Variants in GSTM2 observed in about 807,000 individuals in gnomAD.
GSTM2 encodes the protein glutathione S-transferase mu 2.
Under a neutral mutation model 33.3 loss-of-function variants are expected in GSTM2, and 33 were observed. The observed-to-expected ratio is 0.99, with a 90% CI of 0.75 to 1.33. GSTM2 has a LOEUF of 1.33. GSTM2 is among the 40% of genes most tolerant of loss of function. GSTM2 has a pLI of 0.00. For synonymous variants in GSTM2, 93 were observed against 95.6 expected (o/e 0.97, Z 0.16); for missense variants, 213 against 265.8 (o/e 0.80, Z 1.38).
Position 109,671,457 on chromosome 1 carries a change from C to A in GSTM2, c.457-16C>A, listed in dbSNP as rs1647541075. On this transcript the variant is annotated splice_polypyrimidine_tract_variant and intron_variant, in intron 6 of 7. Coordinates refer to ENST00000241337, the MANE Select transcript of GSTM2 (RefSeq NM_000848.4). ...ATTATGGAGGTTTCAGCCCACATAT[C>A]CTTGGCCTTATCCAGATCACCTTTG... is the stretch of plus-strand genomic sequence containing the variant. 6.3e-7 allele frequency: 1 copy of A among 1,588,222 alleles called. No individual in the cohort carries two copies. The highest frequency in any genetic ancestry group is 8.6e-7 in the Non-Finnish European group (1 of 1,156,332).
rs747443163 is a variant in GSTM2, at chr1:109,668,406, T to C, written c.37-19T>C. ...GGGACCCTCCATCTCTGACCCGAGCTGTGGGCCATCTCTCCCAGCTGGCCC... is the reference window on the plus strand; with the variant it reads ...GGGACCCTCCATCTCTGACCCGAGCCGTGGGCCATCTCTCCCAGCTGGCCC... On this transcript the variant is annotated intron_variant, in intron 1 of 7. Coordinates refer to ENST00000241337, the MANE Select transcript of GSTM2 (RefSeq NM_000848.4). 5 of 1,613,010 alleles carry C rather than the reference T, an allele frequency of 3.1e-6. No individual in the cohort carries two copies. Among genetic ancestry groups the C allele is most frequent in the South Asian group, 1.1e-5 (1 of 91,064 alleles).
In GSTM2 at chr1:109,668,988, A is replaced by G. The variant is rs371911407; in HGVS notation, c.176A>G (p.Asn59Ser). The G allele has an allele frequency of 1.3e-4, 214 of 1,611,874 alleles. No individual in the cohort carries two copies. The East Asian group carries it at 4.1e-3, about 31-fold the overall frequency. The change falls in exon 3 of 8, where the codon AAT (asparagine) becomes AGT (serine). Residue 59 changes from asparagine (N) to serine (S), a missense_variant and splice_region_variant. Transcript: ENST00000241337. The stretch of plus-strand genomic sequence containing the variant: ...TTCAAGCTGGGCCTGGACTTTCCCA[A>G]TGTAGGTGCAGGGGAAGGGGCGGTT... ...EKFKLGLDFP[N>S]LPYLIDGTHK...
chr1:109,673,027 G>A (rs1024517545), intron 7 of GSTM2, among the ~76,000 whole-genome samples: 2 of 151,964 alleles, frequency 1.3e-5, no homozygotes, highest in Non-Finnish European at 2.9e-5. Context: ...GTACCACCAC[G>A]TCCAGCTAAT....
rs762684019 is a variant in GSTM2, at chr1:109,671,522, T to A, written c.506T>A (p.Val169Glu). ...IAYDVLERNQVFEPSCLDAFP... is the reference protein window; with the variant it reads ...IAYDVLERNQEFEPSCLDAFP... ...TATGATGTCCTTGAGAGAAACCAAG[T>A]ATTTGAGCCCAGCTGCCTGGATGCC... The change falls in exon 7 of 8, where the codon GTA becomes GAA. Residue 169 changes from valine to glutamate, a missense_variant. By Grantham distance (121) the Val-to-Glu change is moderately radical. Coordinates refer to ENST00000241337, the MANE Select transcript of GSTM2 (RefSeq NM_000848.4). 5.6e-6 allele frequency: 9 copies of A among 1,613,768 alleles called. No homozygotes were observed. Among genetic ancestry groups the A allele is most frequent in the Non-Finnish European group, 6.8e-6 (8 of 1,179,666 alleles).
At chr1:109,672,806 T>C (rs1647594431) in intron 7 of GSTM2, among the ~76,000 whole-genome samples, 1 of 151,402 alleles carries the variant, frequency 6.6e-6, no homozygotes, top group African/African-American at 2.4e-5. Context: ...CATATGTGGG[T>C]GCCCCTGTTG....
At chr1:109,669,223 A>G in intron 3 of GSTM2, 67 bp from the exon 4 acceptor site, 2 of 1,569,428 alleles carry the variant, frequency 1.3e-6, no homozygotes, top group Non-Finnish European at 8.8e-7. Flanking sequence ...TTGCCCTTGC[A>G]TATGGGAAGG....
intron 5 of GSTM2, chr1:109,669,981 A>T: frequency 6.2e-6 from 1 of 160,474 alleles, no homozygotes; most frequent in Admixed American, 5.9e-5. Context: ...GGTAGTTCAA[A>T]CCCAAAGAGT....
intron 7 of GSTM2, among the ~76,000 whole-genome samples, chr1:109,674,359 T>C (rs1647645295): frequency 6.6e-6 from 1 of 152,054 alleles, no homozygotes; most frequent in Non-Finnish European, 1.5e-5. Context: ...ATTGAAGTTC[T>C]ATTCCCCTTA....
chr1:109,668,944 C>A lies in GSTM2; in HGVS notation c.132C>A (p.Ser44Arg). The A allele has an allele frequency of 1.2e-6, 2 of 1,612,306 alleles. No homozygotes were observed. ...TMGDAPDYDR[S>R]QWLNEKFKLG... ...CCACAGCTCCTGATTATGACAGAAG[C>A]CAGTGGCTGAATGAAAAATTCAAGC... is the stretch of plus-strand genomic sequence containing the variant. Residue 44 changes from serine to arginine, a missense_variant, in exon 3 of 8, where the codon AGC (serine) becomes AGA (arginine). Physicochemically the swap from Ser to Arg is moderately radical, Grantham distance 110 (BLOSUM62 -1). Coordinates refer to ENST00000241337, the MANE Select transcript of GSTM2 (RefSeq NM_000848.4).
chr1:109,671,446 A>G, intron 6 of GSTM2, 27 bp from the exon 7 acceptor site: 1 of 1,576,240 alleles, frequency 6.3e-7, no homozygotes, highest in Non-Finnish European at 8.7e-7. Flanking sequence ...TGGAGGTTTC[A>G]GCCCACATAT....
intron 1 of GSTM2, 72 bp downstream of exon 1, chr1:109,668,223 G>T: frequency 2.0e-6 from 3 of 1,478,478 alleles, no homozygotes; most frequent in Non-Finnish European, 2.8e-6. Context: ...GCTGCAGGAC[G>T]GGCTCTAGGG....
rs1417190319 is a variant in GSTM2, at chr1:109,681,511, ATTT to A, written c.567+9929_567+9931del. ...TTAATTCCTTTTTGATGGAACATTT[ATTT>A]AAGTTAATAATATAAGTATCATTAA... is the stretch of plus-strand genomic sequence containing the variant. On this transcript the variant is annotated intron_variant, in intron 7 of 7. Coordinates refer to the GSTM2 transcript ENST00000369831. Among the ~76,000 whole-genome samples, 8 of 147,474 alleles carry A rather than the reference ATTT, an allele frequency of 5.4e-5. 1 individual carries two copies. The Middle Eastern group carries it at 0.01, about 189-fold the overall frequency.
Position 109,682,791 on chromosome 1 carries a change from T to G in GSTM2, c.567+11208T>G, listed in dbSNP as rs901713116. ...TTTTCAGATTGAAGAAAAGATTCTT[T>G]ATATTTCAGATTTCCTAAGTTTACC... On this transcript the variant is annotated intron_variant, in intron 7 of 7. Coordinates refer to the GSTM2 transcript ENST00000369831. Among the ~76,000 whole-genome samples, 14 of 124,626 alleles carry G rather than the reference T, an allele frequency of 1.1e-4. 3 individuals carry two copies. The highest frequency in any genetic ancestry group is 2.8e-4 in the Non-Finnish European group (14 of 50,346). 81.8% of individuals were successfully genotyped at this position (124,626 alleles called of 152,430 possible). A position where few individuals can be genotyped will look rare whatever the true frequency, so the allele number is the denominator to read the frequency against.
At chr1:109,670,915 T>G in intron 5 of GSTM2, 1 of 183,340 alleles carries the variant, frequency 5.5e-6, no homozygotes, top group Non-Finnish European at 1.2e-5. Flanking sequence ...TAGGAGGAAA[T>G]TTCTACTTCT....
At chr1:109,668,179 ACGGGGGTGCGTGGGGG>A in intron 1 of GSTM2, 28 bp downstream of exon 1, 1 of 1,573,778 alleles carries the variant, frequency 6.4e-7, no homozygotes, top group Non-Finnish European at 8.7e-7. Flanking sequence ...GGGCGGTGGG[ACGGGGGTGCGTGGGGG>A]CGGGGAAGTG....
At chr1:109,671,216 A>C (rs1647532672) in intron 5 of GSTM2, 71 bp from the exon 6 acceptor site, 1 of 1,127,158 alleles carries the variant, frequency 8.9e-7, no homozygotes, top group Admixed American at 1.7e-5. Context: ...GGGGCCATGC[A>C]CAAAACTGGG....
chr1:109,670,938 C>CTTTA (rs1647514915), intron 5 of GSTM2: 1 of 216,596 alleles, frequency 4.6e-6, no homozygotes, highest in Admixed American at 5.1e-5. Context: ...CTCTGAGCTC[C>CTTTA]TTTAGTTCTT....
In GSTM2 at chr1:109,669,560, G is replaced by A; in HGVS notation, c.349G>A (p.Asp117Asn). Residue 117 changes from aspartate to asparagine, a missense_variant, in exon 5 of 8, where the codon GAC (aspartate) becomes AAC (asparagine). Asp to Asn is a conservative substitution (Grantham distance 23). Transcript: ENST00000241337. ...SRMQLAKLCYDPDFEKLKPEY... is the reference protein window; with the variant it reads ...SRMQLAKLCYNPDFEKLKPEY... ...TATGCAGCTGGCCAAACTCTGCTATGACCCAGATTTTGTAAGTCCCCCCAC... is the reference window on the plus strand; with the variant it reads ...TATGCAGCTGGCCAAACTCTGCTATAACCCAGATTTTGTAAGTCCCCCCAC... The A allele has an allele frequency of 1.9e-6, 3 of 1,603,332 alleles. No individual in the cohort carries two copies. Among genetic ancestry groups the A allele is most frequent in the African/African-American group, 1.3e-5 (1 of 74,562 alleles).
At chr1:109,668,284 G>A in intron 1 of GSTM2, 133 bp downstream of exon 1, 2 of 1,328,726 alleles carry the variant, frequency 1.5e-6, no homozygotes, top group Non-Finnish European at 1.1e-6. Context: ...GCTTGCCGCT[G>A]TCTGTGCGTG....
Sources: allele counts gnomAD v4.1 joint callset (sites outside exome capture counted in the v4.1 genomes callset), GRCh38; gene constraint gnomAD v4.1.1; transcripts MANE v1.5; gene names NCBI Gene and HGNC (gene_info 2026-07-23, HGNC 2026-07-21).